Variants in DPP6 observed in about 807,000 individuals in gnomAD.
DPP6 encodes dipeptidyl peptidase like 6, also known as A-type potassium channel modulatory protein DPP6.
DPP6 carries 69 observed loss-of-function variants against 122.6 expected under a neutral mutation model. The observed-to-expected ratio is 0.56, with a 90% CI of 0.46 to 0.69. DPP6 has a LOEUF of 0.69. Ranked by LOEUF, DPP6 falls within the 30% of genes least tolerant of loss-of-function variation. The probability of loss-of-function intolerance (pLI) is 0.00; values close to 1 mark genes in which losing one functional copy is unlikely to be tolerated. For missense variants in DPP6, 928 were observed against 1,116.9 expected (o/e 0.83, Z 2.41); for synonymous variants, 418 against 433.1 (o/e 0.97, Z 0.43).
chr7:154,212,640 G>T (rs1799801527), intron 1 of DPP6, among the ~76,000 whole-genome samples: 1 of 152,114 alleles, frequency 6.6e-6, no homozygotes, highest in African/African-American at 2.4e-5. Flanking sequence ...AGTGCTTCTT[G>T]GTCACCTATT....
intron 1 of DPP6, among the ~76,000 whole-genome samples, chr7:154,248,069 G>A (rs933743002): frequency 6.6e-6 from 1 of 152,168 alleles, no homozygotes; most frequent in African/African-American, 2.4e-5. Context: ...GTTGTAGGCT[G>A]CCTTCTCACG....
chr7:154,589,814 A>C (rs1415298129), intron 5 of DPP6, among the ~76,000 whole-genome samples: 2 of 152,228 alleles, frequency 1.3e-5, no homozygotes, highest in Non-Finnish European at 2.9e-5. Context: ...GTTTCAGATC[A>C]TGCCTCTGGA....
rs1586968038 is a variant in DPP6 at position 154,727,768 on chromosome 7, T to C, written c.764T>C (p.Ile255Thr). ...AGWGPKGQQL[I>T]FIFENNIYYC... is the part of the protein sequence containing the mutation. ...TGCTTTTTTCTCTTTCCAAATTAGA[T>C]ATTTATTTTTGAAAACAATATCTAC... Residue 255 changes from isoleucine (I) to threonine (T), a missense_variant and splice_region_variant, in exon 8 of 26, where the codon ATA becomes ACA. Transcript: ENST00000377770. 1 of 1,610,178 alleles carries C rather than the reference T, an allele frequency of 6.2e-7. No individual in the cohort carries two copies. The highest frequency in any genetic ancestry group is 8.5e-7 in the Non-Finnish European group (1 of 1,177,672).
intron 1 of DPP6, among the ~76,000 whole-genome samples, chr7:154,077,128 G>A (rs1163568724): frequency 6.6e-6 from 1 of 152,096 alleles, no homozygotes; most frequent in Non-Finnish European, 1.5e-5. Flanking sequence ...AATAATGTTT[G>A]CTTCTAAGAA....
At chr7:154,469,573 G>C (rs1231691655) in intron 2 of DPP6, among the ~76,000 whole-genome samples, 1 of 152,018 alleles carries the variant, frequency 6.6e-6, no homozygotes, top group Non-Finnish European at 1.5e-5. Flanking sequence ...AAATCCCCAA[G>C]GTTCATATGG....
chr7:154,460,641 AAAT>A (rs967911217), intron 2 of DPP6, among the ~76,000 whole-genome samples: 67 of 152,224 alleles, frequency 4.4e-4, no homozygotes, highest in South Asian at 2.1e-4. Flanking sequence ...ATCTCTCATC[AAAT>A]AATAAGTTGG....
Position 154,052,790 on chromosome 7 carries a change from C to T in DPP6, c.-31C>T. Reference sequence around the variant, plus strand: ...AGAGAAAGCAAAATATTAAAAAGCCCCAAAGACAGCCAGCAGGAGCGCGGT... The same window carrying T: ...AGAGAAAGCAAAATATTAAAAAGCCTCAAAGACAGCCAGCAGGAGCGCGGT... On this transcript the variant is annotated 5_prime_UTR_variant, in exon 1 of 26. Coordinates refer to ENST00000377770, the MANE Select transcript of DPP6 (RefSeq NM_130797.4). This position sits in a 1 kb window ranked among gnomAD's most constrained non-coding sequence, Gnocchi z 4.8. 8.1e-6 allele frequency: 12 copies of T among 1,482,750 alleles called. No homozygotes were observed. Among genetic ancestry groups the T allele is most frequent in the African/African-American group, 1.4e-5 (1 of 70,324 alleles). 91.8% of individuals were successfully genotyped at this position (1,482,750 alleles called of 1,614,324 possible). A position where few individuals can be genotyped will look rare whatever the true frequency, so the allele number is the denominator to read the frequency against.
At chr7:154,313,564 G>T (rs562691681) in intron 1 of DPP6, among the ~76,000 whole-genome samples, 2 of 151,150 alleles carry the variant, frequency 1.3e-5, no homozygotes, top group East Asian at 3.9e-4. Context: ...TTTAATCTAG[G>T]CATGTTTTGA....
At chr7:154,503,157 C>T (rs1197800019) in intron 3 of DPP6, among the ~76,000 whole-genome samples, 1 of 152,164 alleles carries the variant, frequency 6.6e-6, no homozygotes. Flanking sequence ...TACAGTACAG[C>T]CTTTATTTAC....
chr7:154,006,310 G>C (rs1189538108), intron 1 of DPP6, among the ~76,000 whole-genome samples: 2 of 151,942 alleles, frequency 1.3e-5, no homozygotes, highest in East Asian at 1.9e-4. Flanking sequence ...TTATGTCTAG[G>C]GAGGGCCAGA....
chr7:154,113,394 C>CATATATAT (rs143477890), intron 1 of DPP6, among the ~76,000 whole-genome samples: 37 of 139,478 alleles, frequency 2.7e-4, no homozygotes, highest in African/African-American at 8.5e-4. Flanking sequence ...TGTTTTCCTA[C>CATATATAT]ATATATATAT....
intron 10 of DPP6, 125 bp from the exon 11 acceptor site, chr7:154,793,954 G>T: frequency 7.0e-7 from 1 of 1,418,836 alleles, no homozygotes. Flanking sequence ...TCGCAGGCTG[G>T]CTGTGTCACC....
At chr7:154,829,149 G>T (rs1334269605) in intron 16 of DPP6, among the ~76,000 whole-genome samples, 1 of 152,110 alleles carries the variant, frequency 6.6e-6, no homozygotes, top group South Asian at 2.1e-4. Context: ...CTGGGAGGCC[G>T]AGGCAGGTGG....
At chr7:154,183,067 G>C (rs1024832644) in intron 1 of DPP6, among the ~76,000 whole-genome samples, 1 of 152,188 alleles carries the variant, frequency 6.6e-6, no homozygotes, top group African/African-American at 2.4e-5. Context: ...TTCACTTCCC[G>C]GATAAGGATT....
chr7:154,047,152 C>G (rs902169848), intron 1 of DPP6, among the ~76,000 whole-genome samples: 1 of 151,522 alleles, frequency 6.6e-6, no homozygotes, highest in Non-Finnish European at 1.5e-5. Context: ...CCCTGTGGCT[C>G]ACAGTCAGTT....
chr7:154,497,304 C>T (rs537911807), intron 3 of DPP6, among the ~76,000 whole-genome samples: 1 of 151,954 alleles, frequency 6.6e-6, no homozygotes, highest in African/African-American at 2.4e-5. Flanking sequence ...GTTGGTCAAT[C>T]CTCAGAAAAA....
At chr7:154,376,280 T>A (rs766580472) in intron 1 of DPP6, among the ~76,000 whole-genome samples, 1 of 152,230 alleles carries the variant, frequency 6.6e-6, no homozygotes, top group Non-Finnish European at 1.5e-5. Flanking sequence ...CTGAAGCCAC[T>A]GATGGTTGCT....
At chr7:154,247,268 G>A (rs113722720) in intron 1 of DPP6, among the ~76,000 whole-genome samples, 10,564 of 152,166 alleles carry the variant, frequency 0.069, 1,096 homozygotes, top group African/African-American at 0.23. Flanking sequence ...AGCCAAGATT[G>A]CAGTACTGCA....
the DPP6 span, among the ~76,000 whole-genome samples, chr7:153,858,493 C>A: frequency 3.3e-5 from 5 of 152,162 alleles, no homozygotes; most frequent in Admixed American, 6.5e-5. Flanking sequence ...TTCTCAGATT[C>A]TCAGCCCAGT....
Sources: gnomAD v4.1 joint callset for allele counts (sites outside exome capture counted in the v4.1 genomes callset) on GRCh38, gnomAD v4.1.1 for gene constraint, Gnocchi (gnomAD v3.1) non-coding constraint, MANE v1.5 for transcripts, NCBI Gene and HGNC (gene_info 2026-07-23, HGNC 2026-07-21) for gene names.